The following PCNX2 variants were observed in gnomAD, a reference collection of about 807,000 sequenced individuals.
PCNX2 encodes the protein pecanex 2, also known as pecanex-like protein 2.
Under a neutral mutation model 223.8 loss-of-function variants are expected in PCNX2, and 168 were observed. The ratio of observed to expected loss-of-function variants is 0.75; its 90% CI spans 0.66 to 0.85. The LOEUF (loss-of-function observed/expected upper bound fraction) is 0.85. PCNX2 is among the 40% of genes least tolerant of loss of function. The pLI is 0.00. For missense variants in PCNX2, 2,507 were observed against 2,675.5 expected, an observed-to-expected ratio of 0.94 and a Z score of 1.39; for synonymous variants, 1,006 against 1,052.6, an observed-to-expected ratio of 0.96 and a Z score of 0.86.
chr1:233,081,059 C>T (rs1212591000), intron 23 of PCNX2, among the ~76,000 whole-genome samples: 1 of 152,140 alleles, frequency 6.6e-6, no homozygotes, highest in Non-Finnish European at 1.5e-5. Context: ...AAAAAGCTAC[C>T]ACATCTGGGC....
chr1:233,119,898 G>A (rs1675667758), intron 21 of PCNX2, among the ~76,000 whole-genome samples: 1 of 152,066 alleles, frequency 6.6e-6, no homozygotes, highest in South Asian at 2.1e-4. Context: ...TGGGCGCGGT[G>A]GCTAATGCCT....
chr1:233,041,860 C>A (rs1207696279), intron 25 of PCNX2, among the ~76,000 whole-genome samples: 1 of 152,162 alleles, frequency 6.6e-6, no homozygotes, highest in African/African-American at 2.4e-5. Context: ...GATGGTGATT[C>A]CAAACAACCA....
At chr1:233,272,066 T>C (rs1660665126) in intron 1 of PCNX2, among the ~76,000 whole-genome samples, 1 of 152,126 alleles carries the variant, frequency 6.6e-6, no homozygotes, top group Admixed American at 6.6e-5. Flanking sequence ...AAAACCCTTC[T>C]AGACACTGGC....
chr1:233,154,390 A>T (rs1028558740), intron 19 of PCNX2, among the ~76,000 whole-genome samples: 1 of 152,174 alleles, frequency 6.6e-6, no homozygotes, highest in African/African-American at 2.4e-5. Flanking sequence ...TATGTGTTTT[A>T]TAATGTATAT....
In PCNX2 at chr1:233,001,201, C is replaced by T. The variant is rs1190800000; in HGVS notation, c.5097+336G>A. Among the ~76,000 whole-genome samples, 1 of 152,118 alleles carries T rather than the reference C, an allele frequency of 6.6e-6. No individual in the cohort carries two copies. The highest frequency in any genetic ancestry group is 2.4e-5 in the African/African-American group (1 of 41,416). On this transcript the variant is annotated intron_variant, in intron 29 of 33. Transcript: ENST00000258229. The surrounding 1 kb of genome is among the most constrained non-coding windows in gnomAD (Gnocchi z 4.2). ...TTTTTTCTAAAAAAATAGGTTTGGC[C>T]AGGTGCAGTGGCTCACGCCTGTAAT... is the stretch of plus-strand genomic sequence containing the variant.
At chr1:233,178,810 C>T (rs1345902517) in intron 16 of PCNX2, among the ~76,000 whole-genome samples, 1 of 152,154 alleles carries the variant, frequency 6.6e-6, no homozygotes, top group Non-Finnish European at 1.5e-5. Flanking sequence ...TCTGTTCCTG[C>T]CACTGTGCAT....
At chr1:233,104,893 TA>T (rs1674678037) in intron 21 of PCNX2, among the ~76,000 whole-genome samples, 1 of 152,038 alleles carries the variant, frequency 6.6e-6, no homozygotes, top group Non-Finnish European at 1.5e-5. Flanking sequence ...TTGCATGTAA[TA>T]AAAACAATGG....
At chr1:233,298,876 C>T (rs1185157930), upstream of PCNX2, among the ~76,000 whole-genome samples, 1 of 149,724 alleles carries the variant, frequency 6.7e-6, no homozygotes, top group Non-Finnish European at 1.5e-5. Context: ...AGCGAGACTG[C>T]ATCTCAAAAA....
chr1:233,031,814 A>AG (rs1199586180), intron 25 of PCNX2: 2 of 981,246 alleles, frequency 2.0e-6, no homozygotes, highest in Non-Finnish European at 2.4e-6. Flanking sequence ...AAACATTTCA[A>AG]GGGTCTCTTA....
intron 23 of PCNX2, among the ~76,000 whole-genome samples, chr1:233,070,315 A>C (rs1158532841): frequency 1.3e-5 from 2 of 152,198 alleles, no homozygotes; most frequent in Non-Finnish European, 2.9e-5. Context: ...TATACTTAAT[A>C]TCTTTCAGAA....
chr1:233,238,943 G>A (rs182449930), intron 8 of PCNX2, among the ~76,000 whole-genome samples: 34 of 152,202 alleles, frequency 2.2e-4, no homozygotes, highest in Middle Eastern at 3.4e-3. Flanking sequence ...AATCTCTGTC[G>A]TTAACAGAGA....
chr1:232,994,385 T>C (rs1224471673), intron 32 of PCNX2, among the ~76,000 whole-genome samples: 1 of 152,260 alleles, frequency 6.6e-6, no homozygotes, highest in African/African-American at 2.4e-5. Flanking sequence ...CCCCTTTGTT[T>C]TGGCTAATTC....
chr1:232,986,075 C>T lies in PCNX2; in HGVS notation c.6240+17G>A. On this transcript the variant is annotated intron_variant, in intron 33 of 33. Coordinates refer to ENST00000258229, the MANE Select transcript of PCNX2 (RefSeq NM_014801.4). Reference sequence around the variant, plus strand: ...ACCATCCCAGCCTGTCCTGGTGAGCCCTGCCCAGCCCCTTACCCGAGTGGC... The same window carrying T: ...ACCATCCCAGCCTGTCCTGGTGAGCTCTGCCCAGCCCCTTACCCGAGTGGC... 1 of 1,553,276 alleles carries T rather than the reference C, an allele frequency of 6.4e-7. No individual in the cohort carries two copies. Among genetic ancestry groups the T allele is most frequent in the Non-Finnish European group, 8.7e-7 (1 of 1,148,064 alleles).
intron 21 of PCNX2, among the ~76,000 whole-genome samples, chr1:233,132,892 C>CTTTT (rs892121349): frequency 1.7e-4 from 20 of 114,878 alleles, no homozygotes; most frequent in East Asian, 2.6e-4. Flanking sequence ...CATTTTACAT[C>CTTTT]TTTTTTTTTT....
chr1:233,281,914 C>T (rs1412194171), intron 1 of PCNX2, among the ~76,000 whole-genome samples: 1 of 152,142 alleles, frequency 6.6e-6, no homozygotes, highest in Non-Finnish European at 1.5e-5. Context: ...GGATTCAAAT[C>T]ACAGCCCTAC....
In PCNX2 at chr1:233,161,013, A is replaced by C. The variant is rs114431512; in HGVS notation, c.3366+258T>G. Among the ~76,000 whole-genome samples, 1,398 of 152,312 alleles carry C rather than the reference A, an allele frequency of 9.2e-3. 14 individuals are homozygous for C. The highest frequency in any genetic ancestry group is 0.014 in the Middle Eastern group (4 of 294). ...AGTGGATTCCACAAGATGTGCCATC[A>C]TTCTTGCAAACAAAACAGCTCCCCA... On this transcript the variant is annotated intron_variant, in intron 18 of 33. Transcript: ENST00000258229.
intron 19 of PCNX2, among the ~76,000 whole-genome samples, chr1:233,151,454 C>T (rs930653759): frequency 9.2e-5 from 14 of 152,298 alleles, no homozygotes; most frequent in Non-Finnish European, 1.3e-4. Flanking sequence ...ATATATTGCA[C>T]GCAGCATATT....
In PCNX2 at chr1:232,984,266, T is replaced by C; in HGVS notation, c.*38A>G. The C allele has an allele frequency of 2.6e-6, 4 of 1,532,774 alleles. No homozygotes were observed. Among genetic ancestry groups the C allele is most frequent in the Non-Finnish European group, 3.5e-6 (4 of 1,139,508 alleles). 94.9% of individuals were successfully genotyped at this position (1,532,774 alleles called of 1,614,324 possible). ...GAGGGAGAGCAATGCAGGTGGGAGG[T>C]GTGGGGGAGCCAGCCTCCCCGCCCG... On this transcript the variant is annotated 3_prime_UTR_variant, in exon 34 of 34. Coordinates refer to ENST00000258229, the MANE Select transcript of PCNX2 (RefSeq NM_014801.4).
chr1:233,289,296 A>G (rs1661625199), intron 1 of PCNX2: 2 of 989,290 alleles, frequency 2.0e-6, no homozygotes, highest in Non-Finnish European at 3.3e-6. Context: ...ACCAACCTCA[A>G]TTTCCTTGGC....
Sources: gnomAD v4.1 joint callset for allele counts (sites outside exome capture counted in the v4.1 genomes callset) on GRCh38, gnomAD v4.1.1 for gene constraint, Gnocchi (gnomAD v3.1) non-coding constraint, MANE v1.5 for transcripts, NCBI Gene and HGNC (gene_info 2026-07-23, HGNC 2026-07-21) for gene names.